Variants in GALNT2 observed in about 807,000 individuals in gnomAD.
GALNT2 encodes polypeptide N-acetylgalactosaminyltransferase 2, also known as UDP-GalNAc:polypeptide N-acetylgalactosaminyltransferase 2.
In GALNT2, 31 loss-of-function variants were observed where a neutral mutation model predicts 81.4. The observed-to-expected ratio is 0.38, with a 90% confidence interval of 0.29 to 0.51. GALNT2 has a LOEUF of 0.51. Among genes scored for constraint, GALNT2 ranks in the 20% least tolerant of loss-of-function variants. The pLI, the probability that GALNT2 is intolerant of heterozygous loss-of-function variation, is 0.87. For synonymous variants in GALNT2, 303 were observed against 287.4 expected, an observed-to-expected ratio of 1.05 and a Z score of -0.55; for missense variants, 629 against 765.7, an observed-to-expected ratio of 0.82 and a Z score of 2.11.
Position 230,271,727 on chromosome 1 carries a change from C to T in GALNT2, c.1441-2718C>T, listed in dbSNP as rs545372523. On this transcript the variant is annotated intron_variant, in intron 14 of 15. Transcript: ENST00000366672. The surrounding 1 kb of genome is among the most constrained non-coding windows in gnomAD (Gnocchi z 4.2). ...AGCTGGACGGGAGAGATGCATAGCA[C>T]GCGGTGTGGAGGTGGGGTGTTGGAG... Among the ~76,000 whole-genome samples the T allele has an allele frequency of 1.3e-5, 2 of 152,340 alleles. No homozygotes were observed. The highest frequency in any genetic ancestry group is 6.5e-5 in the Admixed American group (1 of 15,300).
intron 2 of GALNT2, among the ~76,000 whole-genome samples, chr1:230,191,989 TC>T (rs1440406986): frequency 6.6e-6 from 1 of 152,188 alleles, no homozygotes; most frequent in Non-Finnish European, 1.5e-5. Flanking sequence ...TGTCCACAGT[TC>T]CTTCTGAGTC....
intron 2 of GALNT2, among the ~76,000 whole-genome samples, chr1:230,180,296 CTTTTTTTT>C (rs56786141): frequency 5.7e-5 from 4 of 70,608 alleles, no homozygotes; most frequent in South Asian, 9.1e-4. Context: ...TGTCTAGGTT[CTTTTTTTT>C]TTTTTTTTTT....
intron 3 of GALNT2, among the ~76,000 whole-genome samples, chr1:230,223,572 G>A (rs1288367499): frequency 2.0e-5 from 3 of 151,742 alleles, no homozygotes; most frequent in Non-Finnish European, 4.4e-5. Flanking sequence ...AGGTTCAAGC[G>A]ATTCTCTCCT....
intron 3 of GALNT2, among the ~76,000 whole-genome samples, chr1:230,215,746 T>C (rs1051771399): frequency 6.6e-6 from 1 of 152,260 alleles, no homozygotes; most frequent in Non-Finnish European, 1.5e-5. Flanking sequence ...GGGTTTCTTA[T>C]CTGTAAAACA....
At chr1:230,167,962 C>CG (rs1553264430) in intron 1 of GALNT2, among the ~76,000 whole-genome samples, 18 of 20,766 alleles carry the variant, frequency 8.7e-4, no homozygotes, top group Admixed American at 6.3e-3. Flanking sequence ...TTCTAAAATA[C>CG]CCCCCCCTTT....
intron 10 of GALNT2, among the ~76,000 whole-genome samples, chr1:230,252,839 A>G (rs1311017158): frequency 2.1e-5 from 2 of 94,256 alleles, no homozygotes; most frequent in Non-Finnish European, 4.2e-5. Context: ...AATAGAGACA[A>G]CTTCTTTTTT....
At chr1:230,167,645 G>C (rs995766563) in intron 1 of GALNT2, among the ~76,000 whole-genome samples, 1 of 152,236 alleles carries the variant, frequency 6.6e-6, no homozygotes, top group Non-Finnish European at 1.5e-5. Context: ...GCAGCCTTGC[G>C]GGGATATTGA....
upstream of GALNT2, among the ~76,000 whole-genome samples, chr1:230,064,572 G>A (rs566264496): frequency 1.4e-4 from 22 of 152,320 alleles, no homozygotes; most frequent in African/African-American, 5.3e-4. Context: ...CCAGGCTGGA[G>A]TGCAATGGCA....
chr1:230,227,533 C>CTA (rs141971454), intron 3 of GALNT2, among the ~76,000 whole-genome samples: 10,882 of 144,404 alleles, frequency 0.075, 820 homozygotes, highest in African/African-American at 0.18. Context: ...TATAATACAG[C>CTA]TATATATATA....
Position 230,255,305 on chromosome 1 carries a change from C to G in GALNT2, c.1097C>G (p.Pro366Arg), listed in dbSNP as rs763455843. Residue 366 changes from proline (P) to arginine (R), a missense_variant, in exon 11 of 16, where the codon CCC (proline) becomes CGC (arginine). This residue lies in a region of GALNT2 where 360 missense variants were observed against 492.8 expected (regional missense o/e 0.73). Transcript: ENST00000366672. ...RVGHVFRKQH[P>R]YTFPGGSGTV... is the part of the protein sequence containing the mutation. ...GGACACGTGTTCCGGAAGCAGCACC[C>G]CTACACGTTCCCGGGTGGCAGTGGC... 3 of 1,614,226 alleles carry G rather than the reference C, an allele frequency of 1.9e-6. No individual in the cohort carries two copies. The highest frequency in any genetic ancestry group is 8.5e-7 in the Non-Finnish European group (1 of 1,180,046).
Position 230,105,991 on chromosome 1 carries a change from G to A in GALNT2, c.126+38585G>A, listed in dbSNP as rs145050205. Among the ~76,000 whole-genome samples, 31 of 152,250 alleles carry A rather than the reference G, an allele frequency of 2.0e-4. 3 individuals are homozygous for A. The South Asian group carries it at 4.8e-3, about 23-fold the overall frequency. On this transcript the variant is annotated intron_variant, in intron 1 of 15. Transcript: ENST00000366672. ...GCCTCCATAGTGATTGTAGTAATTC[G>A]GTAAAGATGATTCATTTCTTTAGTC...
intron 1 of GALNT2, among the ~76,000 whole-genome samples, chr1:230,151,865 C>T (rs1180792057): frequency 6.6e-6 from 1 of 152,198 alleles, no homozygotes; most frequent in Admixed American, 6.5e-5. Flanking sequence ...ATTTCTATGG[C>T]TATTTCTTGA....
intron 1 of GALNT2, among the ~76,000 whole-genome samples, chr1:230,083,650 T>A (rs1018788999): frequency 1.3e-5 from 2 of 152,246 alleles, no homozygotes; most frequent in East Asian, 3.8e-4. Flanking sequence ...TTTAAGGCAT[T>A]GATCTTTCCT....
intron 1 of GALNT2, among the ~76,000 whole-genome samples, chr1:230,122,277 T>C (rs1263430977): frequency 6.6e-6 from 1 of 152,156 alleles, no homozygotes; most frequent in Non-Finnish European, 1.5e-5. Context: ...ACCAGTTCTT[T>C]TGTAGTTGGT....
chr1:230,067,399 G>T lies in GALNT2; in HGVS notation c.119G>T (p.Gly40Val). 8.0e-7 allele frequency: 1 copy of T among 1,242,540 alleles called. No homozygotes were observed. The allele number at this position is 1,242,540 out of a possible 1,614,324, so 77.0% of individuals were successfully genotyped here. ...ALAGGAGGGA[G>V]RKEDWNEIDP... The stretch of plus-strand genomic sequence containing the variant: ...GCCGGGGGCGCGGGCGGCGGCGCCG[G>T]CAGGAAGGTGAGTGGAGCGCCCTGC... The change falls in exon 1 of 16, where the codon GGC (glycine) becomes GTC (valine). Residue 40 changes from glycine (G) to valine (V), a missense_variant. Physicochemically the swap from Gly to Val is moderately radical, Grantham distance 109 (BLOSUM62 -3). This residue lies in a region of GALNT2 where 360 missense variants were observed against 492.8 expected (regional missense o/e 0.73). Coordinates refer to ENST00000366672, the MANE Select transcript of GALNT2 (RefSeq NM_004481.5).
intron 1 of GALNT2, among the ~76,000 whole-genome samples, chr1:230,076,785 C>T (rs548350044): frequency 4.1e-4 from 63 of 152,162 alleles, no homozygotes; most frequent in Admixed American, 2.5e-3. Context: ...GGTTAGGCAC[C>T]GTGCGTCCAG....
chr1:230,134,192 T>A (rs1661463047), intron 1 of GALNT2, among the ~76,000 whole-genome samples: 1 of 149,838 alleles, frequency 6.7e-6, no homozygotes, highest in Admixed American at 6.7e-5. Flanking sequence ...CACTGCAAGC[T>A]CTGCCTCCCG....
chr1:230,086,465 G>A (rs768633818), intron 1 of GALNT2, among the ~76,000 whole-genome samples: 43 of 152,284 alleles, frequency 2.8e-4, no homozygotes, highest in Non-Finnish European at 6.0e-4. Context: ...TGGCCCTTGT[G>A]CGAGAACTGT....
At position 230,130,369 on chromosome 1, in the gene GALNT2, TAGAA is replaced by T. The variant is rs1233224129; in HGVS notation, c.127-47846_127-47843del. On this transcript the variant is annotated intron_variant, in intron 1 of 15. Transcript: ENST00000366672. Reference sequence around the variant, plus strand: ...AGCACTTAGCATGGGGTCTGGCACTTAGAAAGCACTCACTAGATGCTCGTTTCTG... The same window carrying T: ...AGCACTTAGCATGGGGTCTGGCACTTAGCACTCACTAGATGCTCGTTTCTG... Among the ~76,000 whole-genome samples, 6 of 152,284 alleles carry T rather than the reference TAGAA, an allele frequency of 3.9e-5. No individual in the cohort carries two copies. In the East Asian group the frequency reaches 1.2e-3, roughly 29 times the overall value.
Sources: gnomAD v4.1 joint callset for allele counts (sites outside exome capture counted in the v4.1 genomes callset) on GRCh38, gnomAD v4.1.1 for gene constraint, gnomAD v4.1.1 regional missense constraint, Gnocchi (gnomAD v3.1) non-coding constraint, MANE v1.5 for transcripts, NCBI Gene and HGNC (gene_info 2026-07-23, HGNC 2026-07-21) for gene names.